The following ATXN1 variants were observed in gnomAD, a reference collection of about 807,000 sequenced individuals.
ATXN1 encodes ataxin 1.
ATXN1 carries 8 observed loss-of-function variants against 56.4 expected under a neutral mutation model. That is an observed-to-expected ratio of 0.14 (90% confidence interval 0.08 to 0.26). The LOEUF (loss-of-function observed/expected upper bound fraction) is 0.26. Among genes scored for constraint, ATXN1 ranks in the 10% least tolerant of loss-of-function variants. The probability of loss-of-function intolerance (pLI) is 1.00; values close to 1 mark genes in which losing one functional copy is unlikely to be tolerated. For missense variants in ATXN1, 987 were observed against 1,106.5 expected, an observed-to-expected ratio of 0.89 and a Z score of 1.53; for synonymous variants, 514 against 494.6, an observed-to-expected ratio of 1.04 and a Z score of -0.52.
chr6:16,340,226 G>A (rs535468918), intron 6 of ATXN1, among the ~76,000 whole-genome samples: 3 of 152,326 alleles, frequency 2.0e-5, no homozygotes, highest in African/African-American at 7.2e-5. Context: ...TATGATGGGG[G>A]CTTTGGGCCA....
rs1262834423 is a variant in ATXN1, at chr6:16,760,534, C to A, written c.-730+764G>T. On this transcript the variant is annotated intron_variant, in intron 1 of 7. Coordinates refer to ENST00000436367, the MANE Select transcript of ATXN1 (RefSeq NM_001128164.2). This position sits in a 1 kb window ranked among gnomAD's most constrained non-coding sequence, Gnocchi z 5.3. ...GCTCCAGGCACCCGCACACCCGCTACCCCCGCGCGGTCCCCGAGGCCACCC... is the reference window on the plus strand; with the variant it reads ...GCTCCAGGCACCCGCACACCCGCTAACCCCGCGCGGTCCCCGAGGCCACCC... 2.6e-5 allele frequency among the ~76,000 whole-genome samples: 4 copies of A among 151,370 alleles called. No homozygotes were observed. The South Asian group carries it at 8.3e-4, about 31-fold the overall frequency.
intron 4 of ATXN1, among the ~76,000 whole-genome samples, chr6:16,566,619 C>T (rs1377678139): frequency 1.3e-5 from 2 of 151,954 alleles, no homozygotes; most frequent in Non-Finnish European, 2.9e-5. Context: ...TTTGGGAGGC[C>T]ACGGCGGGCG....
At chr6:16,687,597 A>C (rs1758943641) in intron 2 of ATXN1, among the ~76,000 whole-genome samples, 1 of 151,814 alleles carries the variant, frequency 6.6e-6, no homozygotes, top group Non-Finnish European at 1.5e-5. Context: ...AGGAAAAAGA[A>C]AAGACAGTGA....
chr6:16,691,963 T>C lies in ATXN1; in HGVS notation c.-614-34062A>G, dbSNP rs562216982. ...CAGAGAAGGTGCCATCTGTGAGCCTTAGAACAAGCCTTAGAATAGGCCGGG... is the reference window on the plus strand; with the variant it reads ...CAGAGAAGGTGCCATCTGTGAGCCTCAGAACAAGCCTTAGAATAGGCCGGG... On this transcript the variant is annotated intron_variant, in intron 2 of 7. Coordinates refer to ENST00000436367, the MANE Select transcript of ATXN1 (RefSeq NM_001128164.2). Among the ~76,000 whole-genome samples the C allele has an allele frequency of 3.0e-4, 45 of 152,330 alleles. 1 individual carries two copies. In the South Asian group the frequency reaches 9.1e-3, roughly 31 times the overall value.
intron 2 of ATXN1, among the ~76,000 whole-genome samples, chr6:16,711,112 C>G (rs552390568): frequency 6.6e-6 from 1 of 152,166 alleles, no homozygotes; most frequent in Non-Finnish European, 1.5e-5. Flanking sequence ...ATCAGTGGAA[C>G]AGAGAGTCTT....
At chr6:16,415,354 C>T (rs1338527885) in intron 6 of ATXN1, among the ~76,000 whole-genome samples, 5 of 152,168 alleles carry the variant, frequency 3.3e-5, no homozygotes, top group Middle Eastern at 6.8e-3. Flanking sequence ...CTCAGCCTCC[C>T]GAGTAGCTGG....
intron 3 of ATXN1, among the ~76,000 whole-genome samples, chr6:16,653,821 TGGC>T (rs1182018626): frequency 6.6e-6 from 1 of 152,238 alleles, no homozygotes; most frequent in African/African-American, 2.4e-5. Context: ...GCAACCCTCA[TGGC>T]TTGATGTTGC....
At chr6:16,307,794 A>G (rs1275646382) in intron 7 of ATXN1, among the ~76,000 whole-genome samples, 1 of 152,204 alleles carries the variant, frequency 6.6e-6, no homozygotes, top group African/African-American at 2.4e-5. Flanking sequence ...ATAAGCAAAC[A>G]AATAAATTTA....
chr6:16,383,068 C>T (rs1013034175), intron 6 of ATXN1, among the ~76,000 whole-genome samples: 3 of 152,084 alleles, frequency 2.0e-5, no homozygotes, highest in Non-Finnish European at 2.9e-5. Context: ...CCTATAATGG[C>T]TGTTCTTATG....
chr6:16,538,938 G>A (rs1005892638), intron 4 of ATXN1, among the ~76,000 whole-genome samples: 2 of 151,924 alleles, frequency 1.3e-5, no homozygotes, highest in East Asian at 1.9e-4. Context: ...CACCTGCCTC[G>A]GCCTCCCAAA....
chr6:16,469,286 T>C (rs956091915), intron 6 of ATXN1, among the ~76,000 whole-genome samples: 7 of 152,066 alleles, frequency 4.6e-5, no homozygotes, highest in African/African-American at 1.7e-4. Context: ...TATAAATAAG[T>C]TTAATACAGT....
intron 6 of ATXN1, among the ~76,000 whole-genome samples, chr6:16,427,582 T>C (rs1036704337): frequency 1.3e-5 from 2 of 152,212 alleles, no homozygotes; most frequent in African/African-American, 2.4e-5. Context: ...CACACTTTCA[T>C]TTGCCTGATT....
chr6:16,533,409 T>G (rs1285669120), intron 4 of ATXN1, among the ~76,000 whole-genome samples: 1 of 152,184 alleles, frequency 6.6e-6, no homozygotes, highest in East Asian at 1.9e-4. Context: ...CTTCCACATC[T>G]AGGAATCACT....
chr6:16,498,886 A>G (rs1760826308), intron 5 of ATXN1, among the ~76,000 whole-genome samples: 1 of 152,190 alleles, frequency 6.6e-6, no homozygotes, highest in South Asian at 2.1e-4. Flanking sequence ...AGTTCTTTAT[A>G]TATTCCAGAA....
chr6:16,477,040 C>T (rs767112982), intron 6 of ATXN1, among the ~76,000 whole-genome samples: 8 of 151,838 alleles, frequency 5.3e-5, no homozygotes, highest in Non-Finnish European at 1.0e-4. Flanking sequence ...ACAATGCATA[C>T]GTCATACTTC....
At chr6:16,372,938 CAAACAAACAAACAAA>C (rs1038380822) in intron 6 of ATXN1, among the ~76,000 whole-genome samples, 4 of 17,070 alleles carry the variant, frequency 2.3e-4, no homozygotes, top group Admixed American at 1.1e-3. Flanking sequence ...AATAAATAAA[CAAACAAACAAACAAA>C]CAAACAAACA....
chr6:16,752,659 T>C (rs1290107089), intron 2 of ATXN1, among the ~76,000 whole-genome samples: 3 of 152,218 alleles, frequency 2.0e-5, no homozygotes, highest in Non-Finnish European at 4.4e-5. Context: ...CAATATCCTC[T>C]GGCCCTTTCT....
In ATXN1 at chr6:16,308,322, T is replaced by TCTCTCACA. The variant is rs1243206488; in HGVS notation, c.1918-1464_1918-1463insTGTGAGAG. Among the ~76,000 whole-genome samples the TCTCTCACA allele has an allele frequency of 2.3e-5, 3 of 132,650 alleles. No individual in the cohort carries two copies. In the East Asian group the frequency reaches 7.9e-4, roughly 35 times the overall value. The allele number at this position is 132,650 out of a possible 152,430, so 87.0% of individuals were successfully genotyped here. Reference sequence around the variant, plus strand: ...GCCTGGGCGACAGAGTGAAACTCCGTCACACACACACACACACACACACAC... The same window carrying TCTCTCACA: ...GCCTGGGCGACAGAGTGAAACTCCGTCTCTCACACACACACACACACACACACACACAC... On this transcript the variant is annotated intron_variant, in intron 7 of 7. Transcript: ENST00000436367.
intron 5 of ATXN1, among the ~76,000 whole-genome samples, chr6:16,516,555 T>G (rs1184417887): frequency 6.6e-6 from 1 of 152,206 alleles, no homozygotes. Context: ...GAGTTATGCA[T>G]GGAGGACAGT....
Sources: allele counts gnomAD v4.1 joint callset (sites outside exome capture counted in the v4.1 genomes callset), GRCh38; gene constraint gnomAD v4.1.1; non-coding constraint Gnocchi (gnomAD v3.1); transcripts MANE v1.5; gene names NCBI Gene and HGNC (gene_info 2026-07-23, HGNC 2026-07-21).